The following RBFOX1 variants were observed in gnomAD, a reference collection of about 807,000 sequenced individuals.
RBFOX1 encodes RNA binding fox-1 homolog 1, also known as RNA binding protein fox-1 homolog 1.
A neutral mutation model predicts 57.7 loss-of-function variants in RBFOX1; 8 were observed. That is an observed-to-expected ratio of 0.14 (90% CI 0.08 to 0.25). The LOEUF (loss-of-function observed/expected upper bound fraction) is 0.25, where lower values mean the gene tolerates loss of function less well. Ranked by LOEUF, RBFOX1 falls within the 10% of genes least tolerant of loss-of-function variation. The pLI, the probability that RBFOX1 is intolerant of heterozygous loss-of-function variation, is 1.00. For synonymous variants in RBFOX1, 326 were observed against 222.4 expected (o/e 1.47, Z -4.15); for missense variants, 611 against 548.5 (o/e 1.11, Z -1.14).
At chr16:7,284,413 C>G (rs1268505344) in intron 4 of RBFOX1, among the ~76,000 whole-genome samples, 1 of 152,174 alleles carries the variant, frequency 6.6e-6, no homozygotes, top group Admixed American at 6.5e-5. Context: ...TCACTGCAGC[C>G]TTGAAATCTT....
intron 4 of RBFOX1, among the ~76,000 whole-genome samples, chr16:7,238,379 C>T (rs150267930): frequency 1.3e-5 from 2 of 152,104 alleles, no homozygotes; most frequent in Admixed American, 6.5e-5. Flanking sequence ...GTAAATTCTG[C>T]TTTCTGCACA....
chr16:6,014,511 T>C (rs1169228863), upstream of RBFOX1, among the ~76,000 whole-genome samples: 1 of 152,132 alleles, frequency 6.6e-6, no homozygotes, highest in Non-Finnish European at 1.5e-5. Context: ...CGATAGATGG[T>C]GAGTGAGTTC....
At position 5,452,766 on chromosome 16, in the gene RBFOX1, C is replaced by A. The variant is rs149805748; in HGVS notation, c.220-14450C>A. Among the ~76,000 whole-genome samples, 1,092 of 152,152 alleles carry A rather than the reference C, an allele frequency of 7.2e-3. 15 individuals carry two copies. The highest frequency in any genetic ancestry group is 0.025 in the African/African-American group (1,052 of 41,506). On this transcript the variant is annotated intron_variant, in intron 1 of 2. Transcript: ENST00000585867. Reference sequence around the variant, plus strand: ...TCAAGCCATTCTCCCGCCTCAGCCTCCTGAATAGCTTGGATTACAGGCGTG... The same window carrying A: ...TCAAGCCATTCTCCCGCCTCAGCCTACTGAATAGCTTGGATTACAGGCGTG...
intron 2 of RBFOX1, among the ~76,000 whole-genome samples, chr16:5,596,291 C>T (rs1206674642): frequency 6.6e-6 from 1 of 152,202 alleles, no homozygotes; most frequent in Non-Finnish European, 1.5e-5. Context: ...CCTCTATTCT[C>T]TTTTCTTCCA....
At chr16:6,895,486 A>ATATATATATATATATATATATG (rs1231560510) in intron 3 of RBFOX1, among the ~76,000 whole-genome samples, 14 of 92,058 alleles carry the variant, frequency 1.5e-4, no homozygotes, top group Non-Finnish European at 2.7e-4. Flanking sequence ...ATATATATAT[A>ATATATATATATATATATATATG]TTTATTCCCC....
chr16:6,129,932 G>T lies in RBFOX1; in HGVS notation c.-127+109940G>T, dbSNP rs976015627. Among the ~76,000 whole-genome samples, 35 of 152,076 alleles carry T rather than the reference G, an allele frequency of 2.3e-4. 1 individual carries two copies. Among genetic ancestry groups the T allele is most frequent in the African/African-American group, 8.4e-4 (35 of 41,436 alleles). ...AAACACTGTCAACACAGAATTGTAT[G>T]ACTGGCAAAAATATTCTTAAAAATT... is the stretch of plus-strand genomic sequence containing the variant. On this transcript the variant is annotated intron_variant, in intron 1 of 15. Coordinates refer to ENST00000550418, the MANE Select transcript of RBFOX1 (RefSeq NM_018723.4).
intron 3 of RBFOX1, among the ~76,000 whole-genome samples, chr16:6,897,037 C>G (rs924295020): frequency 6.6e-6 from 1 of 152,108 alleles, no homozygotes; most frequent in African/African-American, 2.4e-5. Flanking sequence ...TGTGCCCAGA[C>G]CTGAGCTCTC....
intron 4 of RBFOX1, among the ~76,000 whole-genome samples, chr16:7,457,317 G>A (rs781385734): frequency 2.6e-5 from 4 of 152,146 alleles, no homozygotes; most frequent in Non-Finnish European, 4.4e-5. Flanking sequence ...CTGTGTCCTG[G>A]GTGCTGGGCC....
chr16:5,323,400 G>T (rs539294998), intron 1 of RBFOX1, among the ~76,000 whole-genome samples: 2 of 152,120 alleles, frequency 1.3e-5, no homozygotes, highest in South Asian at 4.2e-4. Flanking sequence ...GTCGTGACCC[G>T]CAGTTCGAAA....
chr16:5,788,292 TG>T (rs2054576916), intron 3 of RBFOX1, among the ~76,000 whole-genome samples: 1 of 152,228 alleles, frequency 6.6e-6, no homozygotes, highest in African/African-American at 2.4e-5. Context: ...TATTAACTGC[TG>T]TCCTTATTGG....
At chr16:7,132,465 CACACACACACA>C (rs1340521910) in intron 4 of RBFOX1, among the ~76,000 whole-genome samples, 2 of 143,896 alleles carry the variant, frequency 1.4e-5, no homozygotes, top group African/African-American at 2.7e-5. Flanking sequence ...CACACACACA[CACACACACACA>C]CACACAGTCA....
At chr16:5,497,638 A>AAAAAAAAAAAAAAAAAAT (rs71142625) in intron 2 of RBFOX1, among the ~76,000 whole-genome samples, 10 of 139,446 alleles carry the variant, frequency 7.2e-5, no homozygotes, top group South Asian at 2.2e-4. Flanking sequence ...AAAAAAAAAA[A>AAAAAAAAAAAAAAAAAAT]GCTGGGCATG....
At chr16:7,628,226 T>A (rs1034989010) in intron 10 of RBFOX1, among the ~76,000 whole-genome samples, 1 of 152,220 alleles carries the variant, frequency 6.6e-6, no homozygotes, top group Non-Finnish European at 1.5e-5. Context: ...AAGTGTTTTT[T>A]TAAACCAGGC....
rs184206741 is a variant in RBFOX1, at chr16:7,711,827, G to T, written c.*1082G>T. On this transcript the variant is annotated 3_prime_UTR_variant, in exon 16 of 16. Transcript: ENST00000550418. ...TTTATAGAAGCATTTTACAAGTATTGCAATCATTGAGTAGAGATAATCATG... is the reference window on the plus strand; with the variant it reads ...TTTATAGAAGCATTTTACAAGTATTTCAATCATTGAGTAGAGATAATCATG... The T allele has an allele frequency of 3.9e-5, 6 of 152,644 alleles. No homozygotes were observed. The East Asian group carries it at 9.7e-4, about 25-fold the overall frequency. 9.5% of individuals were successfully genotyped at this position (152,644 alleles called of 1,614,324 possible).
At chr16:6,037,287 T>G (rs1023335279) in intron 1 of RBFOX1, 1 of 152,192 alleles carries the variant, frequency 6.6e-6, no homozygotes, top group Admixed American at 6.5e-5. Flanking sequence ...GATAATAGCA[T>G]GAGATCAGAA....
intron 4 of RBFOX1, among the ~76,000 whole-genome samples, chr16:7,242,263 A>T (rs567081032): frequency 6.6e-6 from 1 of 152,322 alleles, no homozygotes; most frequent in African/African-American, 2.4e-5. Context: ...AAATTCAGAG[A>T]CAGGGTTGCA....
chr16:5,562,178 G>A (rs1315633320), intron 2 of RBFOX1, among the ~76,000 whole-genome samples: 1 of 152,168 alleles, frequency 6.6e-6, no homozygotes. Flanking sequence ...AGATTTGATA[G>A]AACAGATTTA....
intron 2 of RBFOX1, among the ~76,000 whole-genome samples, chr16:5,538,534 C>T (rs894397005): frequency 6.6e-5 from 10 of 151,952 alleles, no homozygotes; most frequent in Non-Finnish European, 8.8e-5. Context: ...TTGTGTTTTT[C>T]GCAGAGTCTT....
intron 3 of RBFOX1, among the ~76,000 whole-genome samples, chr16:7,022,975 T>C (rs1278395502): frequency 1.3e-5 from 2 of 152,160 alleles, no homozygotes; most frequent in Non-Finnish European, 2.9e-5. Flanking sequence ...GGAGGCAGAA[T>C]GGGCAGTGAA....
Sources: gnomAD v4.1 joint callset for allele counts (sites outside exome capture counted in the v4.1 genomes callset) on GRCh38, gnomAD v4.1.1 for gene constraint, MANE v1.5 for transcripts, NCBI Gene and HGNC (gene_info 2026-07-23, HGNC 2026-07-21) for gene names.